Variants in TBXT observed in about 807,000 individuals in gnomAD.
The protein encoded by TBXT is T brachyury transcription factor.
TBXT carries 19 observed loss-of-function variants against 41.1 expected under a neutral mutation model. The ratio of observed to expected loss-of-function variants is 0.46; its 90% confidence interval spans 0.32 to 0.68. The LOEUF (loss-of-function observed/expected upper bound fraction) is 0.68. Among genes scored for constraint, TBXT ranks in the 30% least tolerant of loss-of-function variants. The probability of loss-of-function intolerance (pLI) is 0.03; values close to 1 mark genes in which losing one functional copy is unlikely to be tolerated. For missense variants in TBXT, 536 were observed against 582.0 expected (o/e 0.92, Z 0.81); for synonymous variants, 213 against 238.9 (o/e 0.89, Z 1.00).
Position 166,161,624 on chromosome 6 carries a change from G to A in TBXT, c.908-658C>T, listed in dbSNP as rs557058536. Among the ~76,000 whole-genome samples, 5 of 152,300 alleles carry A rather than the reference G, an allele frequency of 3.3e-5. No individual in the cohort carries two copies. In the South Asian group the frequency reaches 8.3e-4, roughly 25 times the overall value. ...AGCATGCATCGGAATGGCCTGGAAG[G>A]CTTTTAAAAGCACACTGGCCAGGCG... On this transcript the variant is annotated intron_variant, in intron 6 of 7. Coordinates refer to ENST00000366876, the MANE Select transcript of TBXT (RefSeq NM_001366285.2).
Position 166,158,507 on chromosome 6 carries a change from C to T in TBXT, c.1119G>A (p.Gly373=), listed in dbSNP as rs561656601. The change falls in exon 8 of 8, where the codon GGG becomes GGA. Residue 373 remains glycine, a synonymous_variant. Transcript: ENST00000366876. The part of the protein sequence containing the change: ...SQAAAVSNGL[G]AQFFRGSPAH... ...CGGGGGAGCCCCGGAAGAACTGGGC[C>T]CCCAGCCCGTTGGACACGGCTGCTG... 5 of 1,609,410 alleles carry T rather than the reference C, an allele frequency of 3.1e-6. No homozygotes were observed. In the East Asian group the frequency reaches 9.0e-5, roughly 29 times the overall value.
At position 166,163,898 on chromosome 6, in the gene TBXT, G is replaced by A. The variant is rs373347507; in HGVS notation, c.730+707C>T. ...CTTTCTGGTTGTTCAATCAGCCTAGGAAATGATGAAAAATCTACAGAATAG... is the reference window on the plus strand; with the variant it reads ...CTTTCTGGTTGTTCAATCAGCCTAGAAAATGATGAAAAATCTACAGAATAG... On this transcript the variant is annotated intron_variant, in intron 5 of 7. Transcript: ENST00000366876. Among the ~76,000 whole-genome samples, 24 of 152,208 alleles carry A rather than the reference G, an allele frequency of 1.6e-4. 1 individual carries two copies. Among genetic ancestry groups the A allele is most frequent in the East Asian group, 1.2e-3 (6 of 5,198 alleles).
intron 7 of TBXT, among the ~76,000 whole-genome samples, chr6:166,159,157 A>C (rs536910666): frequency 5.3e-5 from 8 of 152,364 alleles, no homozygotes; most frequent in Admixed American, 3.3e-4. Flanking sequence ...GGGCAACAAG[A>C]GTGAAACTCC....
intron 3 of TBXT, 80 bp from the exon 4 acceptor site, chr6:166,164,941 T>C: frequency 8.9e-7 from 1 of 1,118,258 alleles, no homozygotes; most frequent in Non-Finnish European, 1.3e-6. Flanking sequence ...AATTGAGAAA[T>C]GCCAGTACCA....
At chr6:166,164,694 T>A in intron 4 of TBXT, 28 bp from the exon 5 acceptor site, 1 of 1,612,722 alleles carries the variant, frequency 6.2e-7, no homozygotes, top group Non-Finnish European at 8.5e-7. Context: ...AAAAAGTATA[T>A]CGAATTTTCA....
At position 166,158,377 on chromosome 6, in the gene TBXT, C is replaced by T. The variant is rs753100833; in HGVS notation, c.1249G>A (p.Asp417Asn). The T allele has an allele frequency of 3.1e-6, 5 of 1,614,210 alleles. No individual in the cohort carries two copies. The highest frequency in any genetic ancestry group is 2.7e-5 in the African/African-American group (2 of 75,066). Residue 417 changes from aspartate (D) to asparagine (N), a missense_variant, in exon 8 of 8, where the codon GAC becomes AAC. Coordinates refer to ENST00000366876, the MANE Select transcript of TBXT (RefSeq NM_001366285.2). ...ATGAGGCGGCCTTGGGCTGCGGCGT[C>T]GTACTGGCTGTCCACGATGTCTGTG... is the stretch of plus-strand genomic sequence containing the variant. Reference protein sequence around the residue: ...AATDIVDSQYDAAAQGRLIAS... With the variant: ...AATDIVDSQYNAAAQGRLIAS...
At chr6:166,161,522 G>A (rs1350532733) in intron 6 of TBXT, among the ~76,000 whole-genome samples, 2 of 152,184 alleles carry the variant, frequency 1.3e-5, no homozygotes, top group Non-Finnish European at 1.5e-5. Flanking sequence ...ACAAAATTAA[G>A]TCTAGACATA....
chr6:166,167,475 C>A lies in TBXT; in HGVS notation c.117G>T (p.Glu39Asp). 2 of 1,612,140 alleles carry A rather than the reference C, an allele frequency of 1.2e-6. No homozygotes were observed. Among genetic ancestry groups the A allele is most frequent in the African/African-American group, 2.7e-5 (2 of 75,060 alleles). Residue 39 changes from glutamate to aspartate, a missense_variant, in exon 1 of 8, where the codon GAG becomes GAT. Coordinates refer to ENST00000366876, the MANE Select transcript of TBXT (RefSeq NM_001366285.2). ...QAGSEKGDPT[E>D]RELRVGLEES... ...CCTCCAGGCCCACGCGCAGTTCGCGCTCTGTGGGGTCGCCCTTCTCGCTGC... is the reference window on the plus strand; with the variant it reads ...CCTCCAGGCCCACGCGCAGTTCGCGATCTGTGGGGTCGCCCTTCTCGCTGC...
chr6:166,159,620 A>C (rs762769655), intron 7 of TBXT, among the ~76,000 whole-genome samples: 5 of 152,264 alleles, frequency 3.3e-5, no homozygotes, highest in Non-Finnish European at 5.9e-5. Flanking sequence ...CAGTCTAAGC[A>C]CATGGAAGTG....
In TBXT at chr6:166,167,721, C is replaced by G; in HGVS notation, c.-130G>C. On this transcript the variant is annotated 5_prime_UTR_variant, in exon 1 of 8. Transcript: ENST00000366876. ...TTGGACCGAGACCTGCGACGGCTCC[C>G]GGGTCCCGGGTCCCGGCACAGACCC... 2 of 1,181,342 alleles carry G rather than the reference C, an allele frequency of 1.7e-6. No homozygotes were observed. The highest frequency in any genetic ancestry group is 2.8e-4 in the Middle Eastern group (1 of 3,550). The allele number at this position is 1,181,342 out of a possible 1,614,324, so 73.2% of individuals were successfully genotyped here.
At chr6:166,168,161 C>A (rs928152743), upstream of TBXT, among the ~76,000 whole-genome samples, 6 of 149,648 alleles carry the variant, frequency 4.0e-5, no homozygotes, top group African/African-American at 1.5e-4. Context: ...GTAAGCTGGA[C>A]GCCCCGGCCT....
chr6:166,166,496 C>G (rs986477172), intron 2 of TBXT, 96 bp downstream of exon 2: 27 of 1,588,486 alleles, frequency 1.7e-5, no homozygotes, highest in Non-Finnish European at 2.2e-5. Context: ...CGTCGCCTCC[C>G]GTTCAAGCAG....
chr6:166,158,549 G>C lies in TBXT; in HGVS notation c.1077C>G (p.Val359=). The part of the protein sequence containing the change: ...PSLWSVSNGA[V]TPGSQAAAVS... ...CGGCTGCTGCCTGGGAGCCCGGGGT[G>C]ACGGCGCCGTTGCTCACAGACCACA... Residue 359 remains valine, a synonymous_variant, in exon 8 of 8, where the codon GTC becomes GTG. Coordinates refer to ENST00000366876, the MANE Select transcript of TBXT (RefSeq NM_001366285.2). 1 of 1,592,484 alleles carries C rather than the reference G, an allele frequency of 6.3e-7. No individual in the cohort carries two copies. The highest frequency in any genetic ancestry group is 8.6e-7 in the Non-Finnish European group (1 of 1,165,952).
chr6:166,166,494 C>T, intron 2 of TBXT, 98 bp downstream of exon 2: 1 of 1,585,996 alleles, frequency 6.3e-7, no homozygotes, highest in Admixed American at 1.7e-5. Flanking sequence ...GACGTCGCCT[C>T]CCGTTCAAGC....
intron 6 of TBXT, among the ~76,000 whole-genome samples, chr6:166,161,234 A>T (rs569753593): frequency 1.1e-4 from 17 of 152,344 alleles, no homozygotes; most frequent in African/African-American, 3.8e-4. Context: ...GTAGACATTG[A>T]ATCTTACTTA....
At position 166,166,735 on chromosome 6, in the gene TBXT, C is replaced by T. The variant is rs1379167015; in HGVS notation, c.328G>A (p.Val110Met). ...TGCGGCTCCGGCTTGCCCCCCGGCA[C>T]CCATTCCCCGTTCACGTACTTCCAG... The part of the protein sequence containing the change: ...HRWKYVNGEW[V>M]PGGKPEPQAP... The change falls in exon 2 of 8, where the codon GTG becomes ATG. Residue 110 changes from valine to methionine, a missense_variant. Coordinates refer to ENST00000366876, the MANE Select transcript of TBXT (RefSeq NM_001366285.2). 1.2e-6 allele frequency: 2 copies of T among 1,613,814 alleles called. No homozygotes were observed. The highest frequency in any genetic ancestry group is 1.7e-6 in the Non-Finnish European group (2 of 1,180,044).
Position 166,167,480 on chromosome 6 carries a change from TG to T in TBXT, c.111del (p.Thr38GlnfsTer25). The T allele has an allele frequency of 6.2e-7, 1 of 1,611,692 alleles. No individual in the cohort carries two copies. ...ELQAGSEKGDPTERELRVGLE... is the reference protein window; with the variant it reads ...ELQAGSEKGDXTERELRVGLE... ...AGGCCCACGCGCAGTTCGCGCTCTGTGGGGTCGCCCTTCTCGCTGCCCGCCT... is the reference window on the plus strand; with the variant it reads ...AGGCCCACGCGCAGTTCGCGCTCTGTGGGTCGCCCTTCTCGCTGCCCGCCT... On this transcript the variant is annotated frameshift_variant, in exon 1 of 8. Coordinates refer to ENST00000366876, the MANE Select transcript of TBXT (RefSeq NM_001366285.2). LOFTEE classifies it high-confidence loss of function.
chr6:166,166,948 G>A (rs552214229), intron 1 of TBXT, 92 bp from the exon 2 acceptor site: 2 of 1,596,796 alleles, frequency 1.3e-6, no homozygotes, highest in Admixed American at 1.7e-5. Context: ...GTTATTTCGG[G>A]GCACAGAGGA....
chr6:166,160,763 T>C (rs903469853), intron 7 of TBXT, 74 bp downstream of exon 7: 1 of 1,603,020 alleles, frequency 6.2e-7, no homozygotes, highest in East Asian at 2.2e-5. Flanking sequence ...TAAGGGCCTA[T>C]GGGAATGGAA....
Sources: gnomAD v4.1 joint callset for allele counts (sites outside exome capture counted in the v4.1 genomes callset) on GRCh38, gnomAD v4.1.1 for gene constraint, MANE v1.5 for transcripts, NCBI Gene and HGNC (gene_info 2026-07-23, HGNC 2026-07-21) for gene names.